The following PDCD1LG2 variants were observed in gnomAD, a reference collection of about 807,000 sequenced individuals.
The protein encoded by PDCD1LG2 is B7 dendritic cell molecule.
PDCD1LG2 carries 32 observed loss-of-function variants against 28.2 expected under a neutral mutation model. That is an observed-to-expected ratio of 1.13 (90% CI 0.86 to 1.52). PDCD1LG2 has a LOEUF of 1.52. Among genes scored for constraint, PDCD1LG2 ranks in the 40% most tolerant of loss-of-function variants. The pLI is 0.00. For synonymous variants in PDCD1LG2, 116 were observed against 120.2 expected, an observed-to-expected ratio of 0.97 and a Z score of 0.23; for missense variants, 385 against 323.8, an observed-to-expected ratio of 1.19 and a Z score of -1.45.
Position 5,569,805 on chromosome 9 carries a change from G to C in PDCD1LG2, c.817-149G>C. On this transcript the variant is annotated intron_variant, in intron 6 of 6. Coordinates refer to ENST00000397747, the MANE Select transcript of PDCD1LG2 (RefSeq NM_025239.4). The surrounding 1 kb of genome is among the most constrained non-coding windows in gnomAD (Gnocchi z 4.1). ...AGGGCAATGGTAAAAACTGTGGAAA[G>C]AAGTTTTAAATGAAAAGTTTTAAAC... 1.3e-6 allele frequency: 1 copy of C among 744,052 alleles called. No individual in the cohort carries two copies. Among genetic ancestry groups the C allele is most frequent in the Non-Finnish European group, 2.2e-6 (1 of 446,984 alleles). The allele number at this position is 744,052 out of a possible 1,614,324, so 46.1% of individuals were successfully genotyped here. A position where few individuals can be genotyped will look rare whatever the true frequency, so the allele number is the denominator to read the frequency against.
Position 5,571,021 on chromosome 9 carries a change from A to G in PDCD1LG2, c.*1062A>G, listed in dbSNP as rs1046991787. ...TAAATTTGTTCTTTATACTGGAGCC[A>G]TGAAGCTCAGAGCATTAGCTGACCC... On this transcript the variant is annotated 3_prime_UTR_variant, in exon 7 of 7. Transcript: ENST00000397747. 1.3e-5 allele frequency: 3 copies of G among 232,594 alleles called. No homozygotes were observed. The highest frequency in any genetic ancestry group is 2.5e-5 in the Non-Finnish European group (3 of 117,686). The allele number at this position is 232,594 out of a possible 1,614,324, so 14.4% of individuals were successfully genotyped here.
intron 3 of PDCD1LG2, among the ~76,000 whole-genome samples, chr9:5,543,043 G>T (rs1820716994): frequency 6.6e-6 from 1 of 152,032 alleles, no homozygotes; most frequent in African/African-American, 2.4e-5. Flanking sequence ...GCTATGAAAA[G>T]GAATGAAATC....
intron 5 of PDCD1LG2, among the ~76,000 whole-genome samples, chr9:5,561,760 C>T (rs1816566998): frequency 6.6e-6 from 1 of 152,176 alleles, no homozygotes; most frequent in Non-Finnish European, 1.5e-5. Flanking sequence ...AGTTCACCTA[C>T]CAGCACCAGC....
At chr9:5,529,194 T>G (rs1434444842) in intron 2 of PDCD1LG2, among the ~76,000 whole-genome samples, 1 of 152,268 alleles carries the variant, frequency 6.6e-6, no homozygotes, top group African/African-American at 2.4e-5. Flanking sequence ...TTATGGATCA[T>G]GCTTTTGGTA....
rs114783797 is a variant in PDCD1LG2, at chr9:5,567,808, C to T, written c.817-2146C>T. 4.7e-3 allele frequency among the ~76,000 whole-genome samples: 710 copies of T among 152,288 alleles called. 8 individuals carry two copies. The highest frequency in any genetic ancestry group is 0.016 in the African/African-American group (679 of 41,548). ...CTAGAAGGATGAATTTATCAGTCAT[C>T]CAAGATTCTTACAATTAAGTATTAC... is the stretch of plus-strand genomic sequence containing the variant. On this transcript the variant is annotated intron_variant, in intron 6 of 6. Transcript: ENST00000397747.
At position 5,570,212 on chromosome 9, in the gene PDCD1LG2, C is replaced by T. The variant is rs539255193; in HGVS notation, c.*253C>T. 1 of 424,324 alleles carries T rather than the reference C, an allele frequency of 2.4e-6. No homozygotes were observed. Among genetic ancestry groups the T allele is most frequent in the Admixed American group, 3.7e-5 (1 of 26,950 alleles). 26.3% of individuals were successfully genotyped at this position (424,324 alleles called of 1,614,324 possible). ...AGCACTACTGCACTTTACAGAATTA[C>T]CCCACTGGATCCTGGACCCACAGAA... On this transcript the variant is annotated 3_prime_UTR_variant, in exon 7 of 7. Coordinates refer to ENST00000397747, the MANE Select transcript of PDCD1LG2 (RefSeq NM_025239.4).
chr9:5,548,809 A>T (rs1414771286), intron 3 of PDCD1LG2, among the ~76,000 whole-genome samples: 1 of 152,238 alleles, frequency 6.6e-6, no homozygotes, highest in African/African-American at 2.4e-5. Flanking sequence ...ATCTCAAAGA[A>T]AACAGAGGAA....
At chr9:5,516,345 C>T (rs1045667547) in intron 1 of PDCD1LG2, among the ~76,000 whole-genome samples, 2 of 152,126 alleles carry the variant, frequency 1.3e-5, no homozygotes, top group Admixed American at 6.5e-5. Flanking sequence ...CCACTGAGCC[C>T]GGTCGAGTCC....
intron 3 of PDCD1LG2, among the ~76,000 whole-genome samples, chr9:5,540,959 C>T (rs556878419): frequency 1.3e-5 from 2 of 152,116 alleles, no homozygotes; most frequent in African/African-American, 4.8e-5. Context: ...ATGTAAAAAT[C>T]CTCAACAAAA....
At chr9:5,553,380 G>C (rs1254017837) in intron 4 of PDCD1LG2, among the ~76,000 whole-genome samples, 1 of 152,104 alleles carries the variant, frequency 6.6e-6, no homozygotes, top group African/African-American at 2.4e-5. Flanking sequence ...TTTTTCCCCT[G>C]GAATTGTTTA....
chr9:5,534,634 G>C (rs1486012939), intron 2 of PDCD1LG2, 111 bp from the exon 3 acceptor site: 13 of 923,580 alleles, frequency 1.4e-5, no homozygotes, highest in Non-Finnish European at 6.4e-6. Context: ...GTCCAGATAA[G>C]ACAGGTGCCT....
intron 3 of PDCD1LG2, among the ~76,000 whole-genome samples, chr9:5,536,549 C>T (rs767885433): frequency 2.6e-5 from 4 of 152,198 alleles, no homozygotes; most frequent in African/African-American, 4.8e-5. Flanking sequence ...TTGATGTACT[C>T]GAATATCTGC....
intron 5 of PDCD1LG2, among the ~76,000 whole-genome samples, chr9:5,558,173 AC>A (rs1816484675): frequency 6.6e-6 from 1 of 151,670 alleles, no homozygotes; most frequent in Admixed American, 6.6e-5. Context: ...GGTTAAACCC[AC>A]CCCCTCTCCC....
intron 6 of PDCD1LG2, among the ~76,000 whole-genome samples, chr9:5,564,035 A>G (rs1816617855): frequency 6.6e-6 from 1 of 152,244 alleles, no homozygotes; most frequent in South Asian, 2.1e-4. Flanking sequence ...AAGATGACAC[A>G]TAAAATTAAT....
At chr9:5,531,535 A>G (rs1033928439) in intron 2 of PDCD1LG2, among the ~76,000 whole-genome samples, 1 of 152,200 alleles carries the variant, frequency 6.6e-6, no homozygotes, top group East Asian at 1.9e-4. Flanking sequence ...TTTTATGCCT[A>G]TCACTCCTGG....
rs777585082 is a variant in PDCD1LG2 at position 5,534,866 on chromosome 9, G to A, written c.177G>A (p.Leu59=). ...HVNLGAITAS[L]QKVENDTSPH... is the part of the protein sequence containing the mutation. Reference sequence around the variant, plus strand: ...ACCTTGGAGCAATAACAGCCAGTTTGCAAAAGGTGGAAAATGATACATCCC... The same window carrying A: ...ACCTTGGAGCAATAACAGCCAGTTTACAAAAGGTGGAAAATGATACATCCC... The change falls in exon 3 of 7, where the codon TTG becomes TTA. Residue 59 remains leucine, a synonymous_variant. Coordinates refer to ENST00000397747, the MANE Select transcript of PDCD1LG2 (RefSeq NM_025239.4). 1 of 1,614,058 alleles carries A rather than the reference G, an allele frequency of 6.2e-7. No individual in the cohort carries two copies. Among genetic ancestry groups the A allele is most frequent in the African/African-American group, 1.3e-5 (1 of 74,918 alleles).
At chr9:5,541,894 A>G (rs1820694354) in intron 3 of PDCD1LG2, among the ~76,000 whole-genome samples, 1 of 152,194 alleles carries the variant, frequency 6.6e-6, no homozygotes, top group African/African-American at 2.4e-5. Context: ...AAGCAAAAAG[A>G]ACAAACCTGG....
Position 5,535,274 on chromosome 9 carries a change from A to G in PDCD1LG2, c.361+224A>G, listed in dbSNP as rs146578924. Among the ~76,000 whole-genome samples the G allele has an allele frequency of 6.9e-3, 1,052 of 152,300 alleles. 5 individuals carry two copies. Among genetic ancestry groups the G allele is most frequent in the Non-Finnish European group, 0.012 (820 of 68,024 alleles). On this transcript the variant is annotated intron_variant, in intron 3 of 6. Transcript: ENST00000397747. The stretch of plus-strand genomic sequence containing the variant: ...AAGGGGGTAGGACCTATAGGAATAA[A>G]ATGGGACTGGAGGAAGCCAGGAAAA...
intron 3 of PDCD1LG2, among the ~76,000 whole-genome samples, chr9:5,543,111 C>CAGGAATGT (rs1820718228): frequency 6.6e-6 from 1 of 152,088 alleles, no homozygotes; most frequent in Non-Finnish European, 1.5e-5. Flanking sequence ...TGAAGTAACT[C>CAGGAATGT]AGGAATGTAA....
Sources: gnomAD v4.1 joint callset for allele counts (sites outside exome capture counted in the v4.1 genomes callset) on GRCh38, gnomAD v4.1.1 for gene constraint, Gnocchi (gnomAD v3.1) non-coding constraint, MANE v1.5 for transcripts, NCBI Gene and HGNC (gene_info 2026-07-23, HGNC 2026-07-21) for gene names.